Variants in ACOX3 observed in about 807,000 individuals in gnomAD.
ACOX3 encodes acyl-CoA oxidase 3, pristanoyl, also known as peroxisomal acyl-coenzyme A oxidase 3.
ACOX3 carries 73 observed loss-of-function variants against 81.5 expected under a neutral mutation model. The observed-to-expected ratio is 0.90, with a 90% CI of 0.74 to 1.09. The LOEUF (loss-of-function observed/expected upper bound fraction) is 1.09. Among genes scored for constraint, ACOX3 ranks in the 50% least tolerant of loss-of-function variants. ACOX3 has a pLI of 0.00. For missense variants in ACOX3, 947 were observed against 928.0 expected, an observed-to-expected ratio of 1.02 and a Z score of -0.27; for synonymous variants, 387 against 375.1, an observed-to-expected ratio of 1.03 and a Z score of -0.37.
intron 1 of ACOX3, among the ~76,000 whole-genome samples, chr4:8,421,936 G>C (rs948521401): frequency 6.6e-6 from 1 of 152,188 alleles, no homozygotes; most frequent in South Asian, 2.1e-4. Context: ...TAGACTCCTT[G>C]GCCAGGGCCT....
In ACOX3 at chr4:8,414,975, T is replaced by C. The variant is rs1368811304; in HGVS notation, c.379-47A>G. On this transcript the variant is annotated intron_variant, in intron 3 of 17. Transcript: ENST00000356406. This position sits in a 1 kb window ranked among gnomAD's most constrained non-coding sequence, Gnocchi z 6.1. ...ATCAACAGGGGGCAGGTAAGAAGAG[T>C]ACTGCTCTTCCGGAACATCACAACA... 6.5e-7 allele frequency: 1 copy of C among 1,539,124 alleles called. No individual in the cohort carries two copies. The highest frequency in any genetic ancestry group is 1.7e-5 in the Admixed American group (1 of 59,888).
At position 8,375,119 on chromosome 4, in the gene ACOX3, C is replaced by A; in HGVS notation, c.1687G>T (p.Val563Leu). Reference sequence around the variant, plus strand: ...AACCTCTGGACCACCGTGAGCTCCACGAAGGCCAGCGCCAACGGACGGCCG... The same window carrying A: ...AACCTCTGGACCACCGTGAGCTCCAAGAAGGCCAGCGCCAACGGACGGCCG... ...SHGRPLALAF[V>L]ELTVVQRFHE... is the part of the protein sequence containing the mutation. Residue 563 changes from valine to leucine, a missense_variant, in exon 15 of 18, where the codon GTG becomes TTG. By Grantham distance (32) the Val-to-Leu change is conservative. Coordinates refer to ENST00000356406, the MANE Select transcript of ACOX3 (RefSeq NM_003501.3). 1 of 1,553,294 alleles carries A rather than the reference C, an allele frequency of 6.4e-7. No homozygotes were observed. The highest frequency in any genetic ancestry group is 8.7e-7 in the Non-Finnish European group (1 of 1,148,012).
chr4:8,372,978 A>C (rs1167088613), intron 16 of ACOX3, among the ~76,000 whole-genome samples: 1 of 152,168 alleles, frequency 6.6e-6, no homozygotes, highest in Non-Finnish European at 1.5e-5. Flanking sequence ...GCCGTGCTAA[A>C]CAGCACAGCA....
At chr4:8,401,993 C>G (rs977979796) in intron 7 of ACOX3, among the ~76,000 whole-genome samples, 1 of 152,172 alleles carries the variant, frequency 6.6e-6, no homozygotes, top group Non-Finnish European at 1.5e-5. Flanking sequence ...CGGGGCTCAC[C>G]CCCCTCCATG....
At chr4:8,367,184 AAC>A (rs991568232) in intron 17 of ACOX3, 104 bp from the exon 18 acceptor site, 11 of 1,470,524 alleles carry the variant, frequency 7.5e-6, no homozygotes, top group Non-Finnish European at 9.2e-6. Context: ...TTTTGTTAAA[AAC>A]ACAGGAAATT....
Position 8,381,562 on chromosome 4 carries a change from T to C in ACOX3, c.1583A>G (p.Glu528Gly). The change falls in exon 14 of 18, where the codon GAG becomes GGG. Residue 528 changes from glutamate (E) to glycine (G), a missense_variant. Physicochemically the swap from Glu to Gly is moderately conservative, Grantham distance 98 (BLOSUM62 -2). Transcript: ENST00000356406. The surrounding 1 kb of genome is among the most constrained non-coding windows in gnomAD (Gnocchi z 4.3). ...YKWLVCYLLR[E>G]TYQKLNQEKR... ...CTCTTGGTTTAATTTTTGATAAGTC[T>C]CTCGGAGCAGGTAGCAAACCAGCCA... is the stretch of plus-strand genomic sequence containing the variant. 1 of 1,614,046 alleles carries C rather than the reference T, an allele frequency of 6.2e-7. No individual in the cohort carries two copies. Among genetic ancestry groups the C allele is most frequent in the Non-Finnish European group, 8.5e-7 (1 of 1,179,990 alleles).
rs572063146 is a variant in ACOX3, at chr4:8,389,770, C to G, written c.1301-36G>C. On this transcript the variant is annotated intron_variant, in intron 11 of 17. Transcript: ENST00000356406. The surrounding 1 kb of genome is among the most constrained non-coding windows in gnomAD (Gnocchi z 5.3). ...GCCACAATAGTACCATCATTTAAGA[C>G]GCATATTTGAGAAGCAGCCTGTCAC... 1 of 1,607,978 alleles carries G rather than the reference C, an allele frequency of 6.2e-7. No homozygotes were observed. The highest frequency in any genetic ancestry group is 8.5e-7 in the Non-Finnish European group (1 of 1,176,644).
Position 8,389,758 on chromosome 4 carries a change from C to T in ACOX3, c.1301-24G>A. On this transcript the variant is annotated intron_variant, in intron 11 of 17. Coordinates refer to ENST00000356406, the MANE Select transcript of ACOX3 (RefSeq NM_003501.3). The surrounding 1 kb of genome is among the most constrained non-coding windows in gnomAD (Gnocchi z 5.3). The stretch of plus-strand genomic sequence containing the variant: ...CACTGCAACAAAGCCACAATAGTAC[C>T]ATCATTTAAGACGCATATTTGAGAA... 1 of 1,612,126 alleles carries T rather than the reference C, an allele frequency of 6.2e-7. No individual in the cohort carries two copies. Among genetic ancestry groups the T allele is most frequent in the Non-Finnish European group, 8.5e-7 (1 of 1,179,150 alleles).
chr4:8,416,666 G>C lies in ACOX3; in HGVS notation c.-14-131C>G. On this transcript the variant is annotated intron_variant, in intron 1 of 17. Coordinates refer to ENST00000356406, the MANE Select transcript of ACOX3 (RefSeq NM_003501.3). The surrounding 1 kb of genome is among the most constrained non-coding windows in gnomAD (Gnocchi z 4.2). ...CTTGAAATCCAAAAGGATGGCAAAA[G>C]AGAATCACTCTGTGAATGGCTAGCA... is the stretch of plus-strand genomic sequence containing the variant. 1 of 1,042,698 alleles carries C rather than the reference G, an allele frequency of 9.6e-7. No individual in the cohort carries two copies. Among genetic ancestry groups the C allele is most frequent in the Non-Finnish European group, 1.3e-6 (1 of 747,406 alleles). 64.6% of individuals were successfully genotyped at this position (1,042,698 alleles called of 1,614,324 possible).
chr4:8,429,900 G>A (rs1377032619), intron 1 of ACOX3, among the ~76,000 whole-genome samples: 2 of 151,488 alleles, frequency 1.3e-5, no homozygotes, highest in Non-Finnish European at 2.9e-5. Flanking sequence ...AACATAGTGA[G>A]ACTCTGCATT....
intron 15 of ACOX3, 166 bp from the exon 16 acceptor site, chr4:8,373,794 T>C: frequency 3.1e-6 from 2 of 652,028 alleles, no homozygotes; most frequent in East Asian, 2.7e-5. Context: ...CCAAGGAATG[T>C]GCTGCTCAGG....
At chr4:8,411,404 G>A (rs1314767051) in intron 5 of ACOX3, among the ~76,000 whole-genome samples, 2 of 152,164 alleles carry the variant, frequency 1.3e-5, no homozygotes, top group Non-Finnish European at 2.9e-5. Context: ...TATAGATCCT[G>A]AAGTTTCACT....
chr4:8,404,090 A>C (rs1379501963), intron 7 of ACOX3, among the ~76,000 whole-genome samples: 1 of 152,250 alleles, frequency 6.6e-6, no homozygotes, highest in Non-Finnish European at 1.5e-5. Context: ...ACAGCGCTTC[A>C]GAGCTTCTCA....
In ACOX3 at chr4:8,370,929, C is replaced by G. The variant is rs757529325; in HGVS notation, c.1962G>C (p.Pro654=). 6.2e-7 allele frequency: 1 copy of G among 1,613,984 alleles called. No individual in the cohort carries two copies. The highest frequency in any genetic ancestry group is 1.7e-5 in the Admixed American group (1 of 60,012). The part of the protein sequence containing the change: ...IAPPDFVLDS[P]IGRADGELYK... ...TTACCTCGCCGTCGGCTCTGCCAATCGGTGAGTCCAGAACAAAGTCAGGAG... is the reference window on the plus strand; with the variant it reads ...TTACCTCGCCGTCGGCTCTGCCAATGGGTGAGTCCAGAACAAAGTCAGGAG... Residue 654 remains proline (P), a synonymous_variant, in exon 17 of 18, where the codon CCG becomes CCC. Transcript: ENST00000356406. This position sits in a 1 kb window ranked among gnomAD's most constrained non-coding sequence, Gnocchi z 6.3.
At chr4:8,392,252 C>T in intron 11 of ACOX3, 81 bp downstream of exon 11, 2 of 1,354,702 alleles carry the variant, frequency 1.5e-6, no homozygotes, top group Admixed American at 5.8e-5. Flanking sequence ...GGTCCTCAGG[C>T]CGCAGTCTGC....
intron 17 of ACOX3, among the ~76,000 whole-genome samples, chr4:8,369,660 G>A (rs827004): frequency 0.13 from 20,261 of 152,254 alleles, 1,679 homozygotes; most frequent in East Asian, 0.23. Context: ...AGCCTGGGCC[G>A]CGCTGAGGCC....
In ACOX3 at chr4:8,381,592, T is replaced by C; in HGVS notation, c.1553A>G (p.Tyr518Cys). 1 of 1,613,764 alleles carries C rather than the reference T, an allele frequency of 6.2e-7. No individual in the cohort carries two copies. The highest frequency in any genetic ancestry group is 8.5e-7 in the Non-Finnish European group (1 of 1,179,856). ...GAGCAGGTAGCAAACCAGCCACTTGTATGCTGCCAGGGCGACTTCGGAATG... is the reference window on the plus strand; with the variant it reads ...GAGCAGGTAGCAAACCAGCCACTTGCATGCTGCCAGGGCGACTTCGGAATG... The part of the protein sequence containing the change: ...CLDSAVALAA[Y>C]KWLVCYLLRE... The change falls in exon 14 of 18, where the codon TAC (tyrosine) becomes TGC (cysteine). Residue 518 changes from tyrosine to cysteine, a missense_variant. Transcript: ENST00000356406. The surrounding 1 kb of genome is among the most constrained non-coding windows in gnomAD (Gnocchi z 4.3).
intron 13 of ACOX3, among the ~76,000 whole-genome samples, chr4:8,388,812 G>A (rs566027612): frequency 6.6e-6 from 1 of 152,320 alleles, no homozygotes; most frequent in East Asian, 1.9e-4. Flanking sequence ...GTGGCTGGGA[G>A]GGCCCAGGGA....
rs574146612 is a variant in ACOX3, at chr4:8,416,827, T to C, written c.-14-292A>G. Among the ~76,000 whole-genome samples, 6 of 152,290 alleles carry C rather than the reference T, an allele frequency of 3.9e-5. No individual in the cohort carries two copies. The highest frequency in any genetic ancestry group is 1.4e-4 in the African/African-American group (6 of 41,570). ...GGCAGAGGGTTTGTCAGAGTCTTGT[T>C]TTCTGTCACACAGCCTTGCCTGAGA... On this transcript the variant is annotated intron_variant, in intron 1 of 17. Transcript: ENST00000356406. The surrounding 1 kb of genome is among the most constrained non-coding windows in gnomAD (Gnocchi z 4.2).
Sources: gnomAD v4.1 joint callset for allele counts (sites outside exome capture counted in the v4.1 genomes callset) on GRCh38, gnomAD v4.1.1 for gene constraint, Gnocchi (gnomAD v3.1) non-coding constraint, MANE v1.5 for transcripts, NCBI Gene and HGNC (gene_info 2026-07-23, HGNC 2026-07-21) for gene names.